The following ARFGEF2 variants were observed in gnomAD, a reference collection of about 807,000 sequenced individuals.
ARFGEF2 encodes the protein brefeldin A-inhibited guanine nucleotide-exchange protein 2.
Under a neutral mutation model 219.9 loss-of-function variants are expected in ARFGEF2, and 74 were observed. The ratio of observed to expected loss-of-function variants is 0.34; its 90% CI spans 0.28 to 0.41. The LOEUF is 0.41. ARFGEF2 is among the 10% of genes least tolerant of loss of function. The probability of loss-of-function intolerance (pLI) is 1.00; values close to 1 mark genes in which losing one functional copy is unlikely to be tolerated. For missense variants in ARFGEF2, 1,743 were observed against 2,218.3 expected (o/e 0.79, Z 4.30); for synonymous variants, 733 against 799.2 (o/e 0.92, Z 1.40).
At chr20:48,996,324 G>C (rs1340131233) in intron 23 of ARFGEF2, among the ~76,000 whole-genome samples, 1 of 151,968 alleles carries the variant, frequency 6.6e-6, no homozygotes, top group Non-Finnish European at 1.5e-5. Context: ...GCGTGGTGGT[G>C]GGCACCTGTA....
At chr20:49,002,760 C>A (rs551259546) in intron 25 of ARFGEF2, among the ~76,000 whole-genome samples, 82 of 496 alleles carry the variant, frequency 0.17, no homozygotes, top group African/African-American at 0.33. Context: ...TCTCCTGCCT[C>A]AGCCCTCCCA....
chr20:48,955,493 A>C (rs1203379648), intron 6 of ARFGEF2, among the ~76,000 whole-genome samples: 5 of 152,212 alleles, frequency 3.3e-5, no homozygotes, highest in Non-Finnish European at 1.5e-5. Flanking sequence ...CAACACCTAG[A>C]ATGGTGCCTG....
In ARFGEF2 at chr20:49,036,088, CAA is replaced by C. The variant is rs2091664884; in HGVS notation, c.*2890_*2891del. 1 of 397,594 alleles carries C rather than the reference CAA, an allele frequency of 2.5e-6. No homozygotes were observed. The allele number at this position is 397,594 out of a possible 1,614,324, so 24.6% of individuals were successfully genotyped here. ...TATTAAAGGAACCTGCTGATAAGTA[CAA>C]GTGTGACCATCTCATTCAAATGTTT... On this transcript the variant is annotated 3_prime_UTR_variant, in exon 39 of 39. Transcript: ENST00000371917.
intron 3 of ARFGEF2, among the ~76,000 whole-genome samples, chr20:48,947,134 C>T (rs931406946): frequency 6.6e-6 from 1 of 152,182 alleles, no homozygotes; most frequent in Non-Finnish European, 1.5e-5. Context: ...TGCGGTAGCT[C>T]ATGCCTATAA....
chr20:48,981,788 G>A (rs2091297428), intron 14 of ARFGEF2, among the ~76,000 whole-genome samples: 1 of 152,048 alleles, frequency 6.6e-6, no homozygotes, highest in African/African-American at 2.4e-5. Context: ...ATTGAAGCTT[G>A]TGCATGCGTC....
chr20:48,972,698 G>C (rs2091236023), intron 11 of ARFGEF2, among the ~76,000 whole-genome samples: 1 of 152,184 alleles, frequency 6.6e-6, no homozygotes, highest in African/African-American at 2.4e-5. Flanking sequence ...TTACCTACAA[G>C]CTGAGTACTG....
intron 1 of ARFGEF2, among the ~76,000 whole-genome samples, chr20:48,938,524 G>T (rs2090974111): frequency 6.6e-6 from 1 of 152,082 alleles, no homozygotes; most frequent in South Asian, 2.1e-4. Context: ...CAGGGTAGCT[G>T]GGATATCCAT....
At chr20:48,930,197 G>A (rs971224469) in intron 1 of ARFGEF2, among the ~76,000 whole-genome samples, 2 of 152,216 alleles carry the variant, frequency 1.3e-5, no homozygotes, top group Non-Finnish European at 2.9e-5. Flanking sequence ...AGGCGAGAGA[G>A]GAAATGGGGG....
At chr20:48,991,481 T>TA (rs35420833) in intron 21 of ARFGEF2, among the ~76,000 whole-genome samples, 1 of 151,692 alleles carries the variant, frequency 6.6e-6, no homozygotes, top group African/African-American at 2.4e-5. Context: ...TTTTTTTTTT[T>TA]AGTCCTTATG....
rs1320156424 is a variant in ARFGEF2 at position 49,035,334 on chromosome 20, A to G, written c.*2135A>G. On this transcript the variant is annotated 3_prime_UTR_variant, in exon 39 of 39. Coordinates refer to ENST00000371917, the MANE Select transcript of ARFGEF2 (RefSeq NM_006420.3). The stretch of plus-strand genomic sequence containing the variant: ...AGTGCATTTTATTACTTGCTGAAAC[A>G]TTCAGGCTTACATTTCTTATTAGTT... 1.3e-5 allele frequency: 2 copies of G among 152,214 alleles called. No individual in the cohort carries two copies. The highest frequency in any genetic ancestry group is 3.8e-4 in the East Asian group (2 of 5,204). 9.4% of individuals were successfully genotyped at this position (152,214 alleles called of 1,614,324 possible).
At chr20:49,003,756 C>G (rs995235949) in intron 25 of ARFGEF2, among the ~76,000 whole-genome samples, 5 of 152,142 alleles carry the variant, frequency 3.3e-5, no homozygotes, top group African/African-American at 1.2e-4. Context: ...TTTAGAGATT[C>G]TCCTTGAGAG....
intron 1 of ARFGEF2, among the ~76,000 whole-genome samples, chr20:48,934,344 AATT>A (rs2090933371): frequency 2.0e-5 from 3 of 152,040 alleles, no homozygotes; most frequent in Non-Finnish European, 4.4e-5. Context: ...TTAAAAAAAA[AATT>A]ATTACACTTT....
At chr20:48,985,767 C>T (rs562668140) in intron 16 of ARFGEF2, among the ~76,000 whole-genome samples, 154 bp downstream of exon 16, 73 of 152,312 alleles carry the variant, frequency 4.8e-4, no homozygotes, top group African/African-American at 1.6e-3. Context: ...GGGATTATTT[C>T]ACATAAGACC....
chr20:48,953,705 C>G lies in ARFGEF2; in HGVS notation c.753C>G (p.Thr251=). 1 of 1,614,136 alleles carries G rather than the reference C, an allele frequency of 6.2e-7. No individual in the cohort carries two copies. The highest frequency in any genetic ancestry group is 8.5e-7 in the Non-Finnish European group (1 of 1,180,028). Reference sequence around the variant, plus strand: ...CAACTCCCGAAAAAACAGATTTAACCAACGGTGAACATGCCAGGAGTGATT... The same window carrying G: ...CAACTCCCGAAAAAACAGATTTAACGAACGGTGAACATGCCAGGAGTGATT... ...KPTTPEKTDL[T]NGEHARSDSG... Residue 251 remains threonine (T), a synonymous_variant, in exon 6 of 39, where the codon ACC becomes ACG. Transcript: ENST00000371917.
At chr20:49,003,997 T>C (rs1013670583) in intron 25 of ARFGEF2, among the ~76,000 whole-genome samples, 1 of 152,162 alleles carries the variant, frequency 6.6e-6, no homozygotes, top group Non-Finnish European at 1.5e-5. Flanking sequence ...TTCATATATA[T>C]ATATTTGGAG....
chr20:49,010,376 G>C lies in ARFGEF2; in HGVS notation c.3729G>C (p.Leu1243=). 6.2e-7 allele frequency: 1 copy of C among 1,614,060 alleles called. No homozygotes were observed. Among genetic ancestry groups the C allele is most frequent in the Non-Finnish European group, 8.5e-7 (1 of 1,180,032 alleles). The part of the protein sequence containing the change: ...ASDHDGNIVE[L]AFQTTCHIVT... ...ATCATGATGGGAACATTGTGGAGCT[G>C]GCCTTCCAGACCACTTGCCACATTG... Residue 1243 remains leucine (L), a synonymous_variant, in exon 27 of 39, where the codon CTG becomes CTC. Coordinates refer to ENST00000371917, the MANE Select transcript of ARFGEF2 (RefSeq NM_006420.3).
At chr20:49,005,874 C>G (rs908856653) in intron 26 of ARFGEF2, among the ~76,000 whole-genome samples, 1 of 152,092 alleles carries the variant, frequency 6.6e-6, no homozygotes, top group African/African-American at 2.4e-5. Flanking sequence ...ATCACTTCTC[C>G]CCCAGGGAGG....
chr20:48,973,373 T>C (rs1469355713), intron 12 of ARFGEF2, 89 bp downstream of exon 12: 4 of 1,392,584 alleles, frequency 2.9e-6, no homozygotes, highest in Admixed American at 3.7e-5. Context: ...GGCACTGTCC[T>C]TGATACAGCA....
In ARFGEF2 at chr20:49,025,325, G is replaced by T. The variant is rs771150151; in HGVS notation, c.4768G>T (p.Asp1590Tyr). 3.1e-6 allele frequency: 5 copies of T among 1,611,868 alleles called. No homozygotes were observed. In the South Asian group the frequency reaches 4.4e-5, roughly 14 times the overall value. ...TCCTGTCCTCTAGCAAGACACGCTG[G>T]ATGCAGATATCCACATAGAGACGGA... Reference protein sequence around the residue: ...HMVAAQQDTLDADIHIETEDQ... With the variant: ...HMVAAQQDTLYADIHIETEDQ... Residue 1590 changes from aspartate to tyrosine, a missense_variant, in exon 36 of 39, where the codon GAT becomes TAT. By Grantham distance (160) the Asp-to-Tyr change is radical. Around this residue, in one of 5 missense-constraint regions of ARFGEF2, gnomAD observed 578 missense variants for 664.0 expected, o/e 0.87. Coordinates refer to ENST00000371917, the MANE Select transcript of ARFGEF2 (RefSeq NM_006420.3).
Sources: gnomAD v4.1 joint callset for allele counts (sites outside exome capture counted in the v4.1 genomes callset) on GRCh38, gnomAD v4.1.1 for gene constraint, gnomAD v4.1.1 regional missense constraint, MANE v1.5 for transcripts, NCBI Gene and HGNC (gene_info 2026-07-23, HGNC 2026-07-21) for gene names.